The following FARP2 variants were observed in gnomAD, a reference collection of about 807,000 sequenced individuals.
FARP2 encodes FERM, ARH/RhoGEF and pleckstrin domain protein 2.
In FARP2, 111 loss-of-function variants were observed where a neutral mutation model predicts 130.5. The observed-to-expected ratio is 0.85, with a 90% CI of 0.73 to 1.00. The LOEUF is 1.00. FARP2 is among the 50% of genes least tolerant of loss of function. The pLI, the probability that FARP2 is intolerant of heterozygous loss-of-function variation, is 0.00. For missense variants in FARP2, 1,385 were observed against 1,346.3 expected (o/e 1.03, Z -0.45); for synonymous variants, 504 against 516.9 (o/e 0.98, Z 0.34).
At chr2:241,417,376 CATTTT>C (rs1479292857) in intron 7 of FARP2, among the ~76,000 whole-genome samples, 3 of 151,754 alleles carry the variant, frequency 2.0e-5, no homozygotes, top group East Asian at 1.9e-4. Context: ...TTTTTCATTT[CATTTT>C]ATTATTAGTA....
At chr2:241,366,796 C>G (rs1241893951) in intron 1 of FARP2, among the ~76,000 whole-genome samples, 1 of 152,082 alleles carries the variant, frequency 6.6e-6, no homozygotes, top group Admixed American at 6.5e-5. Flanking sequence ...ATTAACCCTT[C>G]CCTTCCTCTG....
chr2:241,441,812 T>C (rs570023604), intron 13 of FARP2: 1 of 588,052 alleles, frequency 1.7e-6, no homozygotes, highest in South Asian at 2.0e-5. Context: ...GAGGAGTTCA[T>C]AGACGATGAC....
intron 2 of FARP2, among the ~76,000 whole-genome samples, chr2:241,382,583 T>C (rs929357583): frequency 6.6e-6 from 1 of 152,224 alleles, no homozygotes; most frequent in Non-Finnish European, 1.5e-5. Flanking sequence ...ACACCCAGTC[T>C]ATACAAAATC....
intron 17 of FARP2, chr2:241,466,620 C>T (rs1559798803): frequency 1.0e-6 from 1 of 985,058 alleles, no homozygotes; most frequent in African/African-American, 1.7e-5. Context: ...TTCCTGCATC[C>T]CCACCTGGCC....
At position 241,416,360 on chromosome 2, in the gene FARP2, G is replaced by A. The variant is rs562368732; in HGVS notation, c.624-1602G>A. ...AATAAGCCCGGAAGCAGGAAGCTCT[G>A]CTCTACGTTGTAGGCCTTCACTGTG... On this transcript the variant is annotated intron_variant, in intron 7 of 26. Coordinates refer to ENST00000264042, the MANE Select transcript of FARP2 (RefSeq NM_014808.4). Among the ~76,000 whole-genome samples the A allele has an allele frequency of 9.2e-5, 14 of 152,222 alleles. No individual in the cohort carries two copies. The South Asian group carries it at 1.7e-3, about 18-fold the overall frequency.
chr2:241,425,746 T>C, intron 8 of FARP2, among the ~76,000 whole-genome samples: 1 of 147,690 alleles, frequency 6.8e-6, no homozygotes, highest in East Asian at 1.9e-4. Flanking sequence ...TCTCTCTTTT[T>C]TTTTTTTTTT....
chr2:241,468,506 A>G, intron 18 of FARP2, 129 bp downstream of exon 18: 1 of 694,444 alleles, frequency 1.4e-6, no homozygotes, highest in Non-Finnish European at 2.5e-6. Flanking sequence ...GGCCTGGACC[A>G]CAGTGGTCAG....
intron 11 of FARP2, 144 bp downstream of exon 11, chr2:241,435,174 G>A: frequency 2.0e-6 from 1 of 501,714 alleles, no homozygotes; most frequent in East Asian, 3.6e-5. Flanking sequence ...GCTCACTGCA[G>A]CTTCAGACTC....
chr2:241,433,111 G>T lies in FARP2; in HGVS notation c.868-1047G>T, dbSNP rs182443776. ...ACACACATACGAAACACAAGTAAAA[G>T]CTGTTTTACTCTGTAAGTAAAAAAA... is the stretch of plus-strand genomic sequence containing the variant. On this transcript the variant is annotated intron_variant, in intron 9 of 26. Coordinates refer to ENST00000264042, the MANE Select transcript of FARP2 (RefSeq NM_014808.4). Among the ~76,000 whole-genome samples, 4 of 151,214 alleles carry T rather than the reference G, an allele frequency of 2.6e-5. No individual in the cohort carries two copies. The East Asian group carries it at 7.8e-4, about 30-fold the overall frequency.
chr2:241,482,206 C>A lies in FARP2; in HGVS notation c.2263-1259C>A, dbSNP rs2064632553. Among the ~76,000 whole-genome samples the A allele has an allele frequency of 6.6e-6, 1 of 152,192 alleles. No individual in the cohort carries two copies. Among genetic ancestry groups the A allele is most frequent in the Non-Finnish European group, 1.5e-5 (1 of 68,040 alleles). ...GTGAGCCACAGTTACTACCCTAGGG[C>A]TGGGGAACAAATTTGACAGCTTGGT... is the stretch of plus-strand genomic sequence containing the variant. On this transcript the variant is annotated intron_variant, in intron 19 of 26. Transcript: ENST00000264042. This position sits in a 1 kb window ranked among gnomAD's most constrained non-coding sequence, Gnocchi z 4.6.
intron 13 of FARP2, among the ~76,000 whole-genome samples, chr2:241,450,908 C>T (rs559278629): frequency 1.4e-4 from 21 of 150,456 alleles, no homozygotes; most frequent in South Asian, 6.3e-4. Context: ...GCTGAGATTG[C>T]GCCACTGCAC....
intron 19 of FARP2, among the ~76,000 whole-genome samples, chr2:241,481,118 A>G (rs1459074806): frequency 6.6e-6 from 1 of 151,482 alleles, no homozygotes; most frequent in African/African-American, 2.4e-5. Context: ...GGTCCCAGCT[A>G]CCCAGGAGGC....
chr2:241,360,054 C>A (rs1394042008), intron 1 of FARP2, among the ~76,000 whole-genome samples: 3 of 152,182 alleles, frequency 2.0e-5, no homozygotes, highest in Admixed American at 2.0e-4. Context: ...CTACCACCCT[C>A]ACTTTACTCA....
At chr2:241,480,910 A>T (rs1169616668) in intron 19 of FARP2, among the ~76,000 whole-genome samples, 1 of 152,128 alleles carries the variant, frequency 6.6e-6, no homozygotes, top group African/African-American at 2.4e-5. Flanking sequence ...ACTGTCTGCC[A>T]TGTAACCCTT....
At chr2:241,437,309 G>A (rs1041302092) in intron 12 of FARP2, among the ~76,000 whole-genome samples, 1 of 152,188 alleles carries the variant, frequency 6.6e-6, no homozygotes, top group African/African-American at 2.4e-5. Flanking sequence ...CATTTGACAA[G>A]AATGTCCCAG....
intron 1 of FARP2, among the ~76,000 whole-genome samples, chr2:241,366,329 G>T (rs2150289409): frequency 6.6e-6 from 1 of 151,494 alleles, no homozygotes; most frequent in South Asian, 2.1e-4. Flanking sequence ...CAGTTATCCA[G>T]ATTCACTTCA....
chr2:241,452,968 C>T (rs572567486), intron 13 of FARP2, among the ~76,000 whole-genome samples: 26 of 150,686 alleles, frequency 1.7e-4, no homozygotes, highest in South Asian at 4.2e-4. Flanking sequence ...AAATGTTTAA[C>T]GGTAATTTGT....
chr2:241,364,766 C>G (rs1344071023), intron 1 of FARP2, among the ~76,000 whole-genome samples: 5 of 152,074 alleles, frequency 3.3e-5, no homozygotes, highest in African/African-American at 1.2e-4. Flanking sequence ...TGTTTTTAAT[C>G]TTTTTAATAC....
chr2:241,365,873 G>A (rs142641956), intron 1 of FARP2, among the ~76,000 whole-genome samples: 150 of 150,842 alleles, frequency 9.9e-4, no homozygotes, highest in African/African-American at 3.1e-3. Flanking sequence ...TGAGGTTCCC[G>A]TATCAAAACT....
Sources: allele counts gnomAD v4.1 joint callset (sites outside exome capture counted in the v4.1 genomes callset), GRCh38; gene constraint gnomAD v4.1.1; non-coding constraint Gnocchi (gnomAD v3.1); transcripts MANE v1.5; gene names NCBI Gene and HGNC (gene_info 2026-07-23, HGNC 2026-07-21).